Variants in TRIM69 observed in about 807,000 individuals in gnomAD.
TRIM69 encodes the protein tripartite motif containing 69.
A neutral mutation model predicts 37.7 loss-of-function variants in TRIM69; 29 were observed. The ratio of observed to expected loss-of-function variants is 0.77; its 90% CI spans 0.57 to 1.05. TRIM69 has a LOEUF of 1.05. Ranked by LOEUF, TRIM69 falls within the 50% of genes least tolerant of loss-of-function variation. TRIM69 has a pLI of 0.00. For synonymous variants in TRIM69, 209 were observed against 212.4 expected, an observed-to-expected ratio of 0.98 and a Z score of 0.14; for missense variants, 596 against 579.9, an observed-to-expected ratio of 1.03 and a Z score of -0.28.
At chr15:44,764,547 C>T (rs983502837) in intron 6 of TRIM69, among the ~76,000 whole-genome samples, 2 of 152,160 alleles carry the variant, frequency 1.3e-5, no homozygotes, top group African/African-American at 4.8e-5. Flanking sequence ...TTAGGCCTTG[C>T]AGGTGTATGG....
At chr15:44,740,078 T>C (rs7178712) in intron 1 of TRIM69, among the ~76,000 whole-genome samples, 2,786 of 152,236 alleles carry the variant, frequency 0.018, 83 homozygotes, top group African/African-American at 0.062. Context: ...TTCACGAAAA[T>C]CCACTGTTCT....
chr15:44,763,319 G>T (rs1409604183), intron 6 of TRIM69, among the ~76,000 whole-genome samples: 2 of 152,122 alleles, frequency 1.3e-5, no homozygotes, highest in Non-Finnish European at 2.9e-5. Flanking sequence ...ATAAAATTTG[G>T]GTTATTAATT....
chr15:44,758,612 G>A lies in TRIM69; in HGVS notation c.580-9G>A, dbSNP rs2087703379. The A allele has an allele frequency of 2.5e-6, 4 of 1,613,816 alleles. No individual in the cohort carries two copies. Among genetic ancestry groups the A allele is most frequent in the Non-Finnish European group, 2.5e-6 (3 of 1,179,918 alleles). Reference sequence around the variant, plus strand: ...CAATAACCATGGTGATAATCATGGAGGTTTCCAGGAAAACAAGCTACATCT... The same window carrying A: ...CAATAACCATGGTGATAATCATGGAAGTTTCCAGGAAAACAAGCTACATCT... On this transcript the variant is annotated splice_polypyrimidine_tract_variant and intron_variant, in intron 3 of 6. Coordinates refer to ENST00000329464, the MANE Select transcript of TRIM69 (RefSeq NM_182985.5).
chr15:44,756,331 C>T lies in TRIM69; in HGVS notation c.484-37C>T, dbSNP rs139844977. The T allele has an allele frequency of 5.2e-4, 737 of 1,429,200 alleles. 3 individuals carry two copies. In the African/African-American group the frequency reaches 8.3e-3, roughly 16 times the overall value. 88.5% of individuals were successfully genotyped at this position (1,429,200 alleles called of 1,614,324 possible). A position where few individuals can be genotyped will look rare whatever the true frequency, so the allele number is the denominator to read the frequency against. On this transcript the variant is annotated intron_variant, in intron 2 of 6. Transcript: ENST00000329464. ...ATGTCCTTTATGGTCCTTCATCTCC[C>T]GAGTTAGTCTGGGTTAATTCTATTT...
Position 44,756,387 on chromosome 15 carries a change from AG to A in TRIM69, c.506del (p.Gly169ValfsTer7). ...HFFTEELAIQ[Q>X]GQLETTLKEL... is the part of the protein sequence containing the mutation. The stretch of plus-strand genomic sequence containing the variant: ...TCCCAGGAGGAGCTTGCCATCCAAC[AG>A]GGTCAACTGGAGACAACTCTGAAGG... On this transcript the variant is annotated frameshift_variant, in exon 3 of 7. Transcript: ENST00000329464. LOFTEE classifies it high-confidence loss of function. 1 of 1,550,638 alleles carries A rather than the reference AG, an allele frequency of 6.4e-7. No individual in the cohort carries two copies. The highest frequency in any genetic ancestry group is 1.2e-5 in the South Asian group (1 of 83,972).
At chr15:44,743,074 G>C (rs1213948887) in intron 1 of TRIM69, among the ~76,000 whole-genome samples, 5 of 152,074 alleles carry the variant, frequency 3.3e-5, no homozygotes, top group Non-Finnish European at 5.9e-5. Flanking sequence ...ATACTACAAG[G>C]CTACAGTAAC....
chr15:44,741,161 C>T (rs2141307830), intron 1 of TRIM69, among the ~76,000 whole-genome samples: 1 of 152,228 alleles, frequency 6.6e-6, no homozygotes, highest in Non-Finnish European at 1.5e-5. Flanking sequence ...GATTAAGAAA[C>T]TCACTCAAAA....
chr15:44,746,778 A>G (rs1489621649), intron 1 of TRIM69, among the ~76,000 whole-genome samples: 1 of 144,802 alleles, frequency 6.9e-6, no homozygotes, highest in Non-Finnish European at 1.5e-5. Flanking sequence ...ACACACACAC[A>G]TCTTTCTTTA....
chr15:44,736,787 T>C lies in TRIM69; in HGVS notation c.6+77T>C, dbSNP rs149216575. 8.7e-5 allele frequency: 134 copies of C among 1,548,306 alleles called. 1 individual carries two copies. In the African/African-American group the frequency reaches 1.8e-3, roughly 21 times the overall value. ...GAAAACAGGATCATAGAAGAGGATA[T>C]GGATTTAGGAGCACAAAAGGAAATT... On this transcript the variant is annotated intron_variant, in intron 1 of 6. Transcript: ENST00000329464.
intron 1 of TRIM69, among the ~76,000 whole-genome samples, chr15:44,738,334 G>A (rs547528778): frequency 1.3e-5 from 2 of 151,470 alleles, no homozygotes; most frequent in Admixed American, 6.6e-5. Context: ...GCCTCCCAAA[G>A]TGAGGCTAAG....
chr15:44,752,073 C>CA, intron 1 of TRIM69, among the ~76,000 whole-genome samples: 1 of 152,002 alleles, frequency 6.6e-6, no homozygotes, highest in East Asian at 1.9e-4. Context: ...TGTTTTTACT[C>CA]ATCTCAAAGT....
Position 44,766,306 on chromosome 15 carries a change from T to C in TRIM69, c.962-925T>C, listed in dbSNP as rs117807276. Among the ~76,000 whole-genome samples, 58 of 152,336 alleles carry C rather than the reference T, an allele frequency of 3.8e-4. 2 individuals are homozygous for C. The East Asian group carries it at 0.011, about 29-fold the overall frequency. On this transcript the variant is annotated intron_variant, in intron 6 of 6. Transcript: ENST00000329464. ...TTGTCCGAGACTGTTAACCACATGG[T>C]ATGTGGACCACATTATGAGTAGCAA...
Position 44,758,708 on chromosome 15 carries a change from A to G in TRIM69, c.667A>G (p.Thr223Ala). The change falls in exon 4 of 7, where the codon ACT becomes GCT. Residue 223 changes from threonine to alanine, a missense_variant. By Grantham distance (58) the Thr-to-Ala change is moderately conservative (BLOSUM62 0). Transcript: ENST00000329464. ...GCACAGCAAAGAAAAGGACATTTTAACTGAGCTCCGGGAAGAGGGGAAAGC... is the reference window on the plus strand; with the variant it reads ...GCACAGCAAAGAAAAGGACATTTTAGCTGAGCTCCGGGAAGAGGGGAAAGC... The part of the protein sequence containing the change: ...FLHSKEKDIL[T>A]ELREEGKALN... 6.2e-7 allele frequency: 1 copy of G among 1,614,142 alleles called. No individual in the cohort carries two copies. The highest frequency in any genetic ancestry group is 2.2e-5 in the East Asian group (1 of 44,880).
chr15:44,763,750 C>T (rs1237275305), intron 6 of TRIM69, among the ~76,000 whole-genome samples: 2 of 152,150 alleles, frequency 1.3e-5, no homozygotes, highest in African/African-American at 4.8e-5. Context: ...TTGAATTTAA[C>T]TCTGGCATGC....
chr15:44,764,034 G>A (rs1049291684), intron 6 of TRIM69, among the ~76,000 whole-genome samples: 6 of 152,192 alleles, frequency 3.9e-5, no homozygotes, highest in African/African-American at 1.4e-4. Flanking sequence ...GAGTTTCACT[G>A]CATGCATGTG....
intron 1 of TRIM69, among the ~76,000 whole-genome samples, chr15:44,738,801 T>C (rs1016475823): frequency 9.9e-5 from 15 of 152,174 alleles, no homozygotes; most frequent in East Asian, 7.7e-4. Context: ...GTAGTAATAA[T>C]ACGTATTTCA....
intron 1 of TRIM69, among the ~76,000 whole-genome samples, chr15:44,752,056 G>A (rs1019762719): frequency 1.1e-4 from 17 of 152,022 alleles, no homozygotes; most frequent in Non-Finnish European, 1.9e-4. Context: ...TGCACAGCCT[G>A]TATTTTTGTT....
intron 3 of TRIM69, chr15:44,756,673 T>G (rs2087656061): frequency 2.3e-6 from 1 of 441,060 alleles, no homozygotes; most frequent in Admixed American, 3.5e-5. Context: ...GATTAACCTT[T>G]CCCCTAATAT....
Position 44,767,595 on chromosome 15 carries a change from G to T in TRIM69, c.1326G>T (p.Lys442Asn), listed in dbSNP as rs759608597. 3 of 1,614,016 alleles carry T rather than the reference G, an allele frequency of 1.9e-6. No individual in the cohort carries two copies. The highest frequency in any genetic ancestry group is 1.1e-5 in the South Asian group (1 of 91,088). ...TGACACTGACTAACAACCTCGACAAGGTGGGCATATACCTGGATTATGAAG... is the reference window on the plus strand; with the variant it reads ...TGACACTGACTAACAACCTCGACAATGTGGGCATATACCTGGATTATGAAG... ...FSLTLTNNLD[K>N]VGIYLDYEGG... The change falls in exon 7 of 7, where the codon AAG (lysine) becomes AAT (asparagine). Residue 442 changes from lysine (K) to asparagine (N), a missense_variant. By Grantham distance (94) the Lys-to-Asn change is moderately conservative. Coordinates refer to ENST00000329464, the MANE Select transcript of TRIM69 (RefSeq NM_182985.5).
Sources: gnomAD v4.1 joint callset for allele counts (sites outside exome capture counted in the v4.1 genomes callset) on GRCh38, gnomAD v4.1.1 for gene constraint, MANE v1.5 for transcripts, NCBI Gene and HGNC (gene_info 2026-07-23, HGNC 2026-07-21) for gene names.